Variants in RAB11B observed in about 807,000 individuals in gnomAD.
RAB11B encodes the protein RAB11B, member RAS oncogene family.
RAB11B carries 7 observed loss-of-function variants against 23.7 expected under a neutral mutation model. The observed-to-expected ratio is 0.29, with a 90% confidence interval of 0.17 to 0.55. The LOEUF is 0.55. Among genes scored for constraint, RAB11B ranks in the 20% least tolerant of loss-of-function variants. The pLI is 0.93. For missense variants in RAB11B, 189 were observed against 320.0 expected (o/e 0.59, Z 3.12); for synonymous variants, 138 against 132.0 (o/e 1.05, Z -0.31).
Position 8,402,657 on chromosome 19 carries a change from G to GTTTTTTTCTTTTTGT in RAB11B, c.511+105_511+106insGTTTTTTTTCTTTTT, listed in dbSNP as rs1433653610. Reference sequence around the variant, plus strand: ...CTTCGCTTGTTTTGTTCGTTTGCTTGTTTTTTTCTTTTTTTTGTCGGGGCA... The same window carrying GTTTTTTTCTTTTTGT: ...CTTCGCTTGTTTTGTTCGTTTGCTTGTTTTTTTCTTTTTGTTTTTTTTCTTTTTTTTGTCGGGGCA... On this transcript the variant is annotated intron_variant, in intron 4 of 4. Coordinates refer to ENST00000328024, the MANE Select transcript of RAB11B (RefSeq NM_004218.4). The GTTTTTTTCTTTTTGT allele has an allele frequency of 8.2e-5, 90 of 1,094,868 alleles. No homozygotes were observed. In the African/African-American group the frequency reaches 1.1e-3, roughly 14 times the overall value. 67.8% of individuals were successfully genotyped at this position (1,094,868 alleles called of 1,614,324 possible). A position where few individuals can be genotyped will look rare whatever the true frequency, so the allele number is the denominator to read the frequency against.
rs895067082 is a variant in RAB11B at position 8,404,045 on chromosome 19, C to G, written c.*487C>G. 3 of 157,200 alleles carry G rather than the reference C, an allele frequency of 1.9e-5. No individual in the cohort carries two copies. Among genetic ancestry groups the G allele is most frequent in the Middle Eastern group, 3.2e-3 (1 of 312 alleles). The allele number at this position is 157,200 out of a possible 1,614,324, so 9.7% of individuals were successfully genotyped here. ...GGCTCTCAGCGCCCACCCGCTCCTCCGCACACAGCAGCTCGCACAGGCCTC... is the reference window on the plus strand; with the variant it reads ...GGCTCTCAGCGCCCACCCGCTCCTCGGCACACAGCAGCTCGCACAGGCCTC... On this transcript the variant is annotated 3_prime_UTR_variant, in exon 5 of 5. Transcript: ENST00000328024.
intron 2 of RAB11B, among the ~76,000 whole-genome samples, chr19:8,401,205 T>G (rs10410435): frequency 3.2e-4 from 49 of 151,940 alleles, no homozygotes; most frequent in African/African-American, 1.2e-3. Context: ...CTCAGCCTCC[T>G]GAGCAGCTGG....
intron 1 of RAB11B, among the ~76,000 whole-genome samples, chr19:8,393,100 C>T (rs541797714): frequency 5.9e-5 from 9 of 151,902 alleles, no homozygotes; most frequent in African/African-American, 9.7e-5. Context: ...TGTTTTCCTT[C>T]GTGAATGTTC....
intron 1 of RAB11B, among the ~76,000 whole-genome samples, chr19:8,399,350 A>T (rs1400313779): frequency 3.3e-5 from 5 of 152,182 alleles, no homozygotes; most frequent in African/African-American, 7.2e-5. Context: ...ATCCTCTCAA[A>T]GCATTGAGAT....
chr19:8,398,411 T>C (rs946864642), intron 1 of RAB11B, among the ~76,000 whole-genome samples: 1 of 152,232 alleles, frequency 6.6e-6, no homozygotes, highest in African/African-American at 2.4e-5. Context: ...AATGCATACC[T>C]GTGTTGGAGC....
Position 8,403,424 on chromosome 19 carries a change from A to G in RAB11B, c.523A>G (p.Ile175Val). Reference protein sequence around the residue: ...FKNILTEIYRIVSQKQIADRA... With the variant: ...FKNILTEIYRVVSQKQIADRA... ...TACCCCCTTTGCAGAGATCTACCGC[A>G]TCGTGTCACAGAAACAGATCGCAGA... The change falls in exon 5 of 5, where the codon ATC (isoleucine) becomes GTC (valine). Residue 175 changes from isoleucine (I) to valine (V), a missense_variant. Coordinates refer to ENST00000328024, the MANE Select transcript of RAB11B (RefSeq NM_004218.4). 1 of 1,613,582 alleles carries G rather than the reference A, an allele frequency of 6.2e-7. No individual in the cohort carries two copies. The highest frequency in any genetic ancestry group is 8.5e-7 in the Non-Finnish European group (1 of 1,179,688).
chr19:8,392,052 G>A (rs555314381), intron 1 of RAB11B, among the ~76,000 whole-genome samples: 64 of 152,060 alleles, frequency 4.2e-4, no homozygotes, highest in African/African-American at 1.3e-3. Flanking sequence ...CTAAGGGGCC[G>A]TCTGGAGACA....
intron 1 of RAB11B, among the ~76,000 whole-genome samples, chr19:8,397,839 A>C (rs756115180): frequency 1.3e-5 from 2 of 152,010 alleles, no homozygotes; most frequent in Non-Finnish European, 2.9e-5. Context: ...CAGGAGGAAC[A>C]GCCATACCCA....
intron 1 of RAB11B, among the ~76,000 whole-genome samples, chr19:8,392,128 G>A (rs1971359979): frequency 6.6e-6 from 1 of 152,150 alleles, no homozygotes; most frequent in Non-Finnish European, 1.5e-5. Flanking sequence ...TGAGGCAGCT[G>A]CTCCCAGGTC....
chr19:8,394,871 A>C (rs1042252408), intron 1 of RAB11B, among the ~76,000 whole-genome samples: 1 of 152,248 alleles, frequency 6.6e-6, no homozygotes, highest in Non-Finnish European at 1.5e-5. Context: ...CGGAGAGTAC[A>C]GTGAGCTGAG....
chr19:8,391,635 G>C (rs1222084278), intron 1 of RAB11B, among the ~76,000 whole-genome samples: 27 of 152,160 alleles, frequency 1.8e-4, no homozygotes, highest in Non-Finnish European at 4.0e-4. Context: ...GCTAACCCCT[G>C]GATCCAAGGT....
chr19:8,403,395 C>T lies in RAB11B; in HGVS notation c.512-18C>T, dbSNP rs1279026165. On this transcript the variant is annotated intron_variant, in intron 4 of 4. Transcript: ENST00000328024. ...CACGTGCTGGCTCACCCCACGTCCC[C>T]CTGTACCCCCTTTGCAGAGATCTAC... is the stretch of plus-strand genomic sequence containing the variant. 5.6e-6 allele frequency: 9 copies of T among 1,603,864 alleles called. No individual in the cohort carries two copies. In the East Asian group the frequency reaches 2.0e-4, roughly 36 times the overall value.
chr19:8,390,732 A>C (rs1018687945), intron 1 of RAB11B: 10 of 291,172 alleles, frequency 3.4e-5, no homozygotes, highest in East Asian at 5.4e-5. Context: ...GAGCGGTGGG[A>C]GAGGCTGTTA....
At position 8,396,831 on chromosome 19, in the gene RAB11B, G is replaced by C. The variant is rs547527767; in HGVS notation, c.41-3032G>C. Among the ~76,000 whole-genome samples, 6 of 152,128 alleles carry C rather than the reference G, an allele frequency of 3.9e-5. No individual in the cohort carries two copies. Among genetic ancestry groups the C allele is most frequent in the Non-Finnish European group, 8.8e-5 (6 of 68,006 alleles). Reference sequence around the variant, plus strand: ...TGCAGAGGAGGGAGGGAGGTGCCCTGGCTCGGCACTCACGGGCGCTCTCTG... The same window carrying C: ...TGCAGAGGAGGGAGGGAGGTGCCCTCGCTCGGCACTCACGGGCGCTCTCTG... On this transcript the variant is annotated intron_variant, in intron 1 of 4. Transcript: ENST00000328024. This position sits in a 1 kb window ranked among gnomAD's most constrained non-coding sequence, Gnocchi z 5.0.
At chr19:8,400,322 C>T (rs968965926) in intron 2 of RAB11B, 1 of 524,648 alleles carries the variant, frequency 1.9e-6, no homozygotes, top group South Asian at 2.3e-5. Flanking sequence ...GCCGCTGCCC[C>T]TGCCCAGCCA....
intron 1 of RAB11B, among the ~76,000 whole-genome samples, chr19:8,398,938 C>T (rs1038303481): frequency 2.1e-5 from 3 of 146,336 alleles, no homozygotes; most frequent in East Asian, 1.9e-4. Flanking sequence ...CCACCACGCC[C>T]AGCTAATTAT....
intron 1 of RAB11B, among the ~76,000 whole-genome samples, chr19:8,392,161 G>A (rs1175822831): frequency 3.9e-5 from 6 of 152,206 alleles, no homozygotes; most frequent in South Asian, 2.1e-4. Flanking sequence ...CCACCCAGAC[G>A]TGGCACTGCC....
At chr19:8,398,813 T>G (rs1176943962) in intron 1 of RAB11B, among the ~76,000 whole-genome samples, 2 of 152,020 alleles carry the variant, frequency 1.3e-5, no homozygotes, top group Non-Finnish European at 2.9e-5. Context: ...GGAGACAGAA[T>G]CTCTGTTGCC....
intron 1 of RAB11B, among the ~76,000 whole-genome samples, chr19:8,393,987 C>A (rs1964451811): frequency 6.6e-6 from 1 of 152,244 alleles, no homozygotes; most frequent in Admixed American, 6.5e-5. Context: ...CCACCAACTT[C>A]TGTGGAAATG....
Sources: gnomAD v4.1 joint callset for allele counts (sites outside exome capture counted in the v4.1 genomes callset) on GRCh38, gnomAD v4.1.1 for gene constraint, Gnocchi (gnomAD v3.1) non-coding constraint, MANE v1.5 for transcripts, NCBI Gene and HGNC (gene_info 2026-07-23, HGNC 2026-07-21) for gene names.